Variants in KDM2B observed in about 807,000 individuals in gnomAD.
KDM2B encodes the protein lysine demethylase 2B.
Under a neutral mutation model 150.0 loss-of-function variants are expected in KDM2B, and 26 were observed. The ratio of observed to expected loss-of-function variants is 0.17; its 90% CI spans 0.13 to 0.24. The LOEUF is 0.24. Ranked by LOEUF, KDM2B falls within the 10% of genes least tolerant of loss-of-function variation. The pLI is 1.00. For synonymous variants in KDM2B, 734 were observed against 729.5 expected, an observed-to-expected ratio of 1.01 and a Z score of -0.10; for missense variants, 1,265 against 1,816.9, an observed-to-expected ratio of 0.70 and a Z score of 5.52.
intron 6 of KDM2B, among the ~76,000 whole-genome samples, chr12:121,541,397 A>G (rs1555309759): frequency 8.1e-6 from 1 of 123,926 alleles, no homozygotes; most frequent in Non-Finnish European, 1.6e-5. Context: ...CCCTGTCTCA[A>G]AAAAAAAAAA....
chr12:121,559,739 A>G (rs1342978448), intron 4 of KDM2B, among the ~76,000 whole-genome samples: 7 of 148,068 alleles, frequency 4.7e-5, no homozygotes, highest in Admixed American at 2.6e-4. Context: ...CGTCTCTACT[A>G]AAAAAAACAC....
intron 4 of KDM2B, among the ~76,000 whole-genome samples, chr12:121,564,044 G>C (rs1890527899): frequency 6.6e-6 from 1 of 152,100 alleles, no homozygotes; most frequent in Admixed American, 6.6e-5. Flanking sequence ...GAGACCAGGA[G>C]GTTGAGGCGG....
At chr12:121,449,622 A>C (rs1555291109) in intron 13 of KDM2B, among the ~76,000 whole-genome samples, 1 of 152,090 alleles carries the variant, frequency 6.6e-6, no homozygotes, top group East Asian at 1.9e-4. Flanking sequence ...CAAAGAGAAA[A>C]AGACAGTCGC....
chr12:121,548,857 C>G lies in KDM2B; in HGVS notation c.683+20G>C. ...GGGGGTCAACCCTGCCAGCTCTGGCCACCAGCCAGGCAGTCTTACTTTTTC... is the reference window on the plus strand; with the variant it reads ...GGGGGTCAACCCTGCCAGCTCTGGCGACCAGCCAGGCAGTCTTACTTTTTC... On this transcript the variant is annotated intron_variant, in intron 6 of 22. Coordinates refer to ENST00000377071, the MANE Select transcript of KDM2B (RefSeq NM_032590.5). 6.3e-7 allele frequency: 1 copy of G among 1,598,990 alleles called. No homozygotes were observed. The highest frequency in any genetic ancestry group is 1.1e-5 in the South Asian group (1 of 90,784).
chr12:121,444,384 G>A lies in KDM2B; in HGVS notation c.2190+66C>T, dbSNP rs1875760687. The A allele has an allele frequency of 8.7e-6, 14 of 1,606,932 alleles. 1 individual carries two copies. The highest frequency in any genetic ancestry group is 4.4e-5 in the South Asian group (4 of 90,936). On this transcript the variant is annotated intron_variant, in intron 15 of 22. Transcript: ENST00000377071. The stretch of plus-strand genomic sequence containing the variant: ...CTGCCTGAAACTCCTGGGACAGGCT[G>A]GTCCCGGCCAGGCCCAGGCCCGCCC...
the KDM2B span, chr12:121,417,942 C>T: frequency 6.3e-7 from 1 of 1,599,240 alleles, no homozygotes; most frequent in African/African-American, 1.4e-5. The surrounding 1 kb of genome is among the most constrained non-coding windows in gnomAD (Gnocchi z 5.0). Flanking sequence ...ACACCCAGGG[C>T]CCGGCACGCT....
intron 6 of KDM2B, among the ~76,000 whole-genome samples, chr12:121,536,807 G>A (rs1481410353): frequency 6.6e-6 from 1 of 152,112 alleles, no homozygotes; most frequent in Non-Finnish European, 1.5e-5. Context: ...GGAAGCCCGC[G>A]GGTACCCACA....
At chr12:121,445,224 C>T (rs7954896) in intron 14 of KDM2B, 51 bp downstream of exon 14, 195,703 of 1,589,158 alleles carry the variant, frequency 0.12, 15,826 homozygotes, top group African/African-American at 0.37. Context: ...TCTCCAGCAA[C>T]CCTACCTGCC....
intron 12 of KDM2B, among the ~76,000 whole-genome samples, chr12:121,479,389 C>G (rs984928250): frequency 1.3e-5 from 2 of 150,816 alleles, no homozygotes; most frequent in African/African-American, 4.9e-5. Context: ...ATGGCGTGAA[C>G]CCGGGAGGCG....
Position 121,440,828 on chromosome 12 carries a change from C to G in KDM2B, c.3598G>C (p.Asp1200His), listed in dbSNP as rs1555287994. The change falls in exon 21 of 23, where the codon GAC becomes CAC. Residue 1200 changes from aspartate (D) to histidine (H), a missense_variant. Coordinates refer to ENST00000377071, the MANE Select transcript of KDM2B (RefSeq NM_032590.5). The stretch of plus-strand genomic sequence containing the variant: ...CCTGGCAACTCACCTGGCCTGTTGT[C>G]TGTGGGCGGGGACAGGAGATCCCGC... ...QMRDLLSPPT[D>H]NRPGQMDNRS... 1 of 1,611,188 alleles carries G rather than the reference C, an allele frequency of 6.2e-7. No homozygotes were observed.
chr12:121,431,798 G>A (rs1220660068), intron 22 of KDM2B, among the ~76,000 whole-genome samples: 3 of 152,048 alleles, frequency 2.0e-5, no homozygotes, highest in African/African-American at 7.2e-5. Flanking sequence ...ACAAGTGAAG[G>A]CCCTGCTTTT....
chr12:121,509,685 G>C lies in KDM2B; in HGVS notation c.1529C>G (p.Thr510Ser). The change falls in exon 11 of 23, where the codon ACT becomes AGT. Residue 510 changes from threonine to serine, a missense_variant. This residue lies in a region of KDM2B where 20 missense variants were observed against 49.5 expected (regional missense o/e 0.40). Coordinates refer to ENST00000377071, the MANE Select transcript of KDM2B (RefSeq NM_032590.5). The stretch of plus-strand genomic sequence containing the variant: ...TTTCAGGCCCTTCAGTTCAAACTCA[G>C]TGAGATGGGTCCATTTGGCAGAGAC... ...TEVSAKWTHL[T>S]EFELKGLKAL... is the part of the protein sequence containing the mutation. 6.2e-7 allele frequency: 1 copy of C among 1,614,094 alleles called. No homozygotes were observed. Among genetic ancestry groups the C allele is most frequent in the South Asian group, 1.1e-5 (1 of 91,074 alleles).
chr12:121,554,923 C>G (rs1333736885), intron 4 of KDM2B, among the ~76,000 whole-genome samples: 1 of 152,168 alleles, frequency 6.6e-6, no homozygotes, highest in Non-Finnish European at 1.5e-5. Flanking sequence ...TGGTGACTCA[C>G]ACCTGTAACC....
At chr12:121,501,674 G>A (rs1264151302) in intron 11 of KDM2B, among the ~76,000 whole-genome samples, 3 of 152,126 alleles carry the variant, frequency 2.0e-5, no homozygotes, top group Non-Finnish European at 4.4e-5. Context: ...AGGCTGGAGT[G>A]CAGTGGCACA....
intron 17 of KDM2B, chr12:121,443,243 C>A: frequency 1.7e-6 from 1 of 602,374 alleles, no homozygotes; most frequent in Non-Finnish European, 3.0e-6. Flanking sequence ...TACAGTTGAA[C>A]TGTTCCCACC....
the KDM2B span, chr12:121,415,450 A>G: frequency 5.3e-5 from 10 of 188,188 alleles, no homozygotes; most frequent in South Asian, 3.6e-4. Flanking sequence ...GTGAAACCCA[A>G]TCTCTACTAA....
At chr12:121,565,474 C>T (rs372700152) in intron 4 of KDM2B, among the ~76,000 whole-genome samples, 18 of 152,258 alleles carry the variant, frequency 1.2e-4, no homozygotes, top group African/African-American at 3.9e-4. Flanking sequence ...TGTGCCACCA[C>T]GCCCAGCTAA....
At chr12:121,420,298 G>GGATGAT in the KDM2B span, 1 of 1,584,958 alleles carries the variant, frequency 6.3e-7, no homozygotes, top group Non-Finnish European at 8.6e-7. Context: ...ACGATGATGA[G>GGATGAT]GATGATGATG....
At chr12:121,469,600 A>G (rs1201587738) in intron 12 of KDM2B, 1 of 145,932 alleles carries the variant, frequency 6.9e-6, no homozygotes, top group Non-Finnish European at 1.5e-5. Flanking sequence ...CCTGGGCGAC[A>G]GAGCGAGACT....
Sources: gnomAD v4.1 joint callset for allele counts (sites outside exome capture counted in the v4.1 genomes callset) on GRCh38, gnomAD v4.1.1 for gene constraint, gnomAD v4.1.1 regional missense constraint, Gnocchi (gnomAD v3.1) non-coding constraint, MANE v1.5 for transcripts, NCBI Gene and HGNC (gene_info 2026-07-23, HGNC 2026-07-21) for gene names.